DPYD: variants seen among roughly 807,000 people sequenced by gnomAD.
The protein encoded by DPYD is dihydropyrimidine dehydrogenase, also known as dihydropyrimidine dehydrogenase [NADP(+)].
Under a neutral mutation model 116.2 loss-of-function variants are expected in DPYD, and 109 were observed. The observed-to-expected ratio is 0.94, with a 90% confidence interval of 0.80 to 1.10. DPYD has a LOEUF of 1.10. Among genes scored for constraint, DPYD ranks in the 50% least tolerant of loss-of-function variants. DPYD has a pLI of 0.00. For missense variants in DPYD, 1,302 were observed against 1,254.5 expected (o/e 1.04, Z -0.57); for synonymous variants, 440 against 432.0 (o/e 1.02, Z -0.23).
intron 2 of DPYD, among the ~76,000 whole-genome samples, chr1:97,834,063 G>A (rs1179918011): frequency 6.6e-6 from 1 of 152,038 alleles, no homozygotes; most frequent in East Asian, 1.9e-4. Flanking sequence ...TATCAGGGAG[G>A]ATGATTTCAC....
intron 13 of DPYD, among the ~76,000 whole-genome samples, chr1:97,475,680 T>C (rs367967746): frequency 2.0e-5 from 3 of 152,156 alleles, no homozygotes; most frequent in South Asian, 2.1e-4. Flanking sequence ...CCATAGACAA[T>C]ATAAACCAAT....
chr1:97,389,462 C>T (rs114917767), intron 14 of DPYD, among the ~76,000 whole-genome samples: 1,824 of 151,948 alleles, frequency 0.012, 36 homozygotes, highest in African/African-American at 0.042. Flanking sequence ...AGTTGATTTA[C>T]AAAGTTGGAA....
At chr1:97,629,708 T>C (rs75812626) in intron 8 of DPYD, among the ~76,000 whole-genome samples, 5 of 151,756 alleles carry the variant, frequency 3.3e-5, no homozygotes, top group African/African-American at 1.2e-4. Flanking sequence ...AAAACAAAAA[T>C]GCATAAAATG....
intron 11 of DPYD, among the ~76,000 whole-genome samples, chr1:97,552,232 T>C (rs1283737394): frequency 2.6e-5 from 4 of 152,108 alleles, no homozygotes; most frequent in Non-Finnish European, 5.9e-5. Context: ...TCAGGCCTCA[T>C]AAAATTTGAA....
chr1:97,232,860 C>T (rs758376815), intron 19 of DPYD, among the ~76,000 whole-genome samples: 1 of 152,112 alleles, frequency 6.6e-6, no homozygotes, highest in Admixed American at 6.6e-5. Context: ...CTTAAAATAT[C>T]TGACAGATAA....
chr1:97,770,014 A>G (rs1666059613), intron 3 of DPYD, among the ~76,000 whole-genome samples: 1 of 152,204 alleles, frequency 6.6e-6, no homozygotes, highest in Non-Finnish European at 1.5e-5. Context: ...TATTTACACT[A>G]AGCCTGAATG....
At chr1:97,633,175 G>A (rs770011064) in intron 8 of DPYD, among the ~76,000 whole-genome samples, 1 of 152,052 alleles carries the variant, frequency 6.6e-6, no homozygotes, top group African/African-American at 2.4e-5. Context: ...AGAATTTTGG[G>A]TCAAGATAGG....
rs6604874 is a variant in DPYD at position 97,761,394 on chromosome 1, C to A, written c.234-20915G>T. On this transcript the variant is annotated intron_variant, in intron 3 of 22. Transcript: ENST00000370192. ...AGGAGGTACTACTATCCCTTAATGACAAAACGAGAATATATGAAACAAAAT... is the reference window on the plus strand; with the variant it reads ...AGGAGGTACTACTATCCCTTAATGAAAAAACGAGAATATATGAAACAAAAT... 8.5e-3 allele frequency among the ~76,000 whole-genome samples: 1,299 copies of A among 151,974 alleles called. 18 individuals are homozygous for A. The highest frequency in any genetic ancestry group is 0.029 in the African/African-American group (1,195 of 41,426).
intron 12 of DPYD, chr1:97,545,637 T>C (rs2102069117): frequency 3.2e-6 from 2 of 616,064 alleles, no homozygotes; most frequent in African/African-American, 1.8e-5. Flanking sequence ...GAGTGCCCTG[T>C]TGGAGGTACA....
chr1:97,309,648 G>A (rs1667381373), intron 16 of DPYD, among the ~76,000 whole-genome samples: 1 of 151,610 alleles, frequency 6.6e-6, no homozygotes, highest in South Asian at 2.1e-4. Flanking sequence ...TTTTGATGAG[G>A]TACAGCCCAG....
intron 16 of DPYD, among the ~76,000 whole-genome samples, chr1:97,353,060 C>T (rs1342892185): frequency 6.6e-6 from 1 of 151,544 alleles, no homozygotes; most frequent in Non-Finnish European, 1.5e-5. Context: ...ACCCTCAAAA[C>T]AATAGATAGG....
intron 12 of DPYD, among the ~76,000 whole-genome samples, chr1:97,536,791 CA>C (rs1316064591): frequency 6.6e-6 from 1 of 152,198 alleles, no homozygotes; most frequent in Non-Finnish European, 1.5e-5. Flanking sequence ...ATTCATCTAA[CA>C]GCTGGAAAGA....
chr1:97,733,100 G>T (rs1254283112), intron 4 of DPYD, among the ~76,000 whole-genome samples: 3 of 151,940 alleles, frequency 2.0e-5, no homozygotes, highest in Non-Finnish European at 4.4e-5. Context: ...CAATAAAGGT[G>T]GCATTAGTAT....
intron 19 of DPYD, among the ~76,000 whole-genome samples, chr1:97,232,427 C>A (rs1025923853): frequency 7.2e-5 from 11 of 152,246 alleles, no homozygotes; most frequent in Admixed American, 6.5e-4. Context: ...CCTCTTGAAT[C>A]TACAGGTTTA....
At chr1:97,231,640 T>C (rs1041922792) in intron 19 of DPYD, among the ~76,000 whole-genome samples, 3 of 152,134 alleles carry the variant, frequency 2.0e-5, no homozygotes, top group African/African-American at 7.2e-5. Context: ...ATTATTACAA[T>C]TCAAGGTGAG....
Position 97,272,722 on chromosome 1 carries a change from T to C in DPYD, c.2299+32537A>G, listed in dbSNP as rs569539984. On this transcript the variant is annotated intron_variant, in intron 18 of 22. Transcript: ENST00000370192. ...TGATCTTCACTCAGTTCAAGCTTTT[T>C]TTCTTTTTGACTGAGGAAAAGATAC... 2.1e-4 allele frequency among the ~76,000 whole-genome samples: 32 copies of C among 152,286 alleles called. No individual in the cohort carries two copies. In the East Asian group the frequency reaches 4.8e-3, roughly 23 times the overall value.
chr1:97,422,075 C>A (rs973754519), intron 14 of DPYD, among the ~76,000 whole-genome samples: 4 of 151,976 alleles, frequency 2.6e-5, no homozygotes, highest in Non-Finnish European at 4.4e-5. Flanking sequence ...ATTGTTCTCA[C>A]CAATAGTTGA....
intron 2 of DPYD, among the ~76,000 whole-genome samples, chr1:97,831,234 G>C (rs1669525840): frequency 6.6e-6 from 1 of 152,202 alleles, no homozygotes; most frequent in Non-Finnish European, 1.5e-5. Flanking sequence ...TTGCCATATA[G>C]AATAAGTATT....
At chr1:97,432,777 G>A (rs567670915) in intron 14 of DPYD, among the ~76,000 whole-genome samples, 2 of 152,222 alleles carry the variant, frequency 1.3e-5, no homozygotes, top group East Asian at 3.9e-4. Context: ...GAGACTGAGT[G>A]GATTAAGTCT....
Sources: allele counts gnomAD v4.1 joint callset (sites outside exome capture counted in the v4.1 genomes callset), GRCh38; gene constraint gnomAD v4.1.1; transcripts MANE v1.5; gene names NCBI Gene and HGNC (gene_info 2026-07-23, HGNC 2026-07-21).